The following FBXL20 variants were observed in gnomAD, a reference collection of about 807,000 sequenced individuals.
FBXL20 encodes F-box/LRR-repeat protein 20.
Under a neutral mutation model 64.0 loss-of-function variants are expected in FBXL20, and 11 were observed. The ratio of observed to expected loss-of-function variants is 0.17; its 90% CI spans 0.11 to 0.28. FBXL20 has a LOEUF of 0.28. Among genes scored for constraint, FBXL20 ranks in the 10% least tolerant of loss-of-function variants. The pLI is 1.00. For missense variants in FBXL20, 303 were observed against 526.2 expected, an observed-to-expected ratio of 0.58 and a Z score of 4.15; for synonymous variants, 184 against 189.0, an observed-to-expected ratio of 0.97 and a Z score of 0.22.
rs1255785281 is a variant in FBXL20, at chr17:39,257,696, C to T, written c.*3764G>A. 1 of 152,262 alleles carries T rather than the reference C, an allele frequency of 6.6e-6. No individual in the cohort carries two copies. Among genetic ancestry groups the T allele is most frequent in the East Asian group, 1.9e-4 (1 of 5,198 alleles). 9.4% of individuals were successfully genotyped at this position (152,262 alleles called of 1,614,324 possible). On this transcript the variant is annotated 3_prime_UTR_variant, in exon 15 of 15. Transcript: ENST00000264658. Reference sequence around the variant, plus strand: ...ATGAAAAATGGCCTGAGCCACCTAACAGTCACTGAACTTTAAGGCTGCCTT... The same window carrying T: ...ATGAAAAATGGCCTGAGCCACCTAATAGTCACTGAACTTTAAGGCTGCCTT...
chr17:39,264,161 G>A lies in FBXL20; in HGVS notation c.1203+14C>T. ...GCTAACACTAGAGTTGGAGAGTTAT[G>A]TAGCCATTTTTACCCTGAGTCTCTT... On this transcript the variant is annotated intron_variant, in intron 14 of 14. Coordinates refer to ENST00000264658, the MANE Select transcript of FBXL20 (RefSeq NM_032875.3). The A allele has an allele frequency of 1.9e-6, 3 of 1,613,060 alleles. No individual in the cohort carries two copies. The highest frequency in any genetic ancestry group is 2.5e-6 in the Non-Finnish European group (3 of 1,179,064).
chr17:39,282,480 G>GT (rs1456550643), intron 8 of FBXL20, among the ~76,000 whole-genome samples: 1 of 152,140 alleles, frequency 6.6e-6, no homozygotes, highest in African/African-American at 2.4e-5. Flanking sequence ...TGACCATGGT[G>GT]TATCTTTAAT....
chr17:39,377,820 T>C (rs895021526), intron 1 of FBXL20, among the ~76,000 whole-genome samples: 6 of 152,160 alleles, frequency 3.9e-5, no homozygotes, highest in African/African-American at 1.4e-4. Context: ...CCTGTCTTGA[T>C]AGATTGGCTC....
rs536033449 is a variant in FBXL20, at chr17:39,307,176, C to T, written c.105-3537G>A. 6.6e-5 allele frequency among the ~76,000 whole-genome samples: 10 copies of T among 152,248 alleles called. No individual in the cohort carries two copies. The South Asian group carries it at 2.1e-3, about 32-fold the overall frequency. ...TTTCATTCAAAAAACATTTTTACCA[C>T]CTGCTATCTACGGGCACTGTTTTAA... is the stretch of plus-strand genomic sequence containing the variant. On this transcript the variant is annotated intron_variant, in intron 2 of 14. Transcript: ENST00000264658.
intron 2 of FBXL20, among the ~76,000 whole-genome samples, chr17:39,341,383 T>C (rs918991363): frequency 1.3e-5 from 2 of 152,134 alleles, no homozygotes; most frequent in African/African-American, 2.4e-5. Flanking sequence ...CTCTCAATGA[T>C]AAAAATGTTG....
chr17:39,354,038 G>T (rs1460251538), intron 1 of FBXL20, among the ~76,000 whole-genome samples: 1 of 152,156 alleles, frequency 6.6e-6, no homozygotes, highest in East Asian at 1.9e-4. Flanking sequence ...TTTAAAAACA[G>T]TTAAGATGGT....
intron 1 of FBXL20, among the ~76,000 whole-genome samples, chr17:39,375,899 C>T (rs1311767884): frequency 6.6e-6 from 1 of 152,044 alleles, no homozygotes; most frequent in African/African-American, 2.4e-5. Context: ...GCGGGCAGAT[C>T]ACGAGGTCAG....
intron 11 of FBXL20, among the ~76,000 whole-genome samples, chr17:39,270,381 T>C (rs1327287525): frequency 6.6e-6 from 1 of 151,940 alleles, no homozygotes; most frequent in East Asian, 1.9e-4. Context: ...CTGTCTCTAC[T>C]AAAAATACAA....
rs549253126 is a variant in FBXL20, at chr17:39,309,432, T to C, written c.105-5793A>G. ...TTGAAGGATTACTTAAACTAGGACTTATACTTCTATACATGCTGAGATTTC... is the reference window on the plus strand; with the variant it reads ...TTGAAGGATTACTTAAACTAGGACTCATACTTCTATACATGCTGAGATTTC... On this transcript the variant is annotated intron_variant, in intron 2 of 14. Transcript: ENST00000264658. Among the ~76,000 whole-genome samples, 3 of 152,286 alleles carry C rather than the reference T, an allele frequency of 2.0e-5. No homozygotes were observed. The South Asian group carries it at 6.2e-4, about 32-fold the overall frequency.
At chr17:39,344,014 C>T (rs1250743032) in intron 1 of FBXL20, among the ~76,000 whole-genome samples, 1 of 152,108 alleles carries the variant, frequency 6.6e-6, no homozygotes, top group Admixed American at 6.6e-5. Flanking sequence ...CAGGTCCCTG[C>T]CACGGTGCCC....
At chr17:39,363,935 G>C (rs2047831376) in intron 1 of FBXL20, among the ~76,000 whole-genome samples, 1 of 132,970 alleles carries the variant, frequency 7.5e-6, no homozygotes, top group Admixed American at 8.5e-5. Flanking sequence ...GGTCGCCCAG[G>C]CTGGAATGCA....
At chr17:39,367,570 G>A (rs1303892136) in intron 1 of FBXL20, among the ~76,000 whole-genome samples, 2 of 151,958 alleles carry the variant, frequency 1.3e-5, no homozygotes, top group Non-Finnish European at 2.9e-5. Context: ...ACCCACCTCA[G>A]CCCCTCAAAG....
intron 2 of FBXL20, among the ~76,000 whole-genome samples, chr17:39,318,038 T>C (rs1343643623): frequency 6.6e-6 from 1 of 152,106 alleles, no homozygotes; most frequent in Non-Finnish European, 1.5e-5. Flanking sequence ...AATTATTTAG[T>C]AAATGGTGTT....
Position 39,258,166 on chromosome 17 carries a change from A to G in FBXL20, c.*3294T>C, listed in dbSNP as rs1567852229. Reference sequence around the variant, plus strand: ...TATTTTGGAGTGGCTATGAGGTTAGACAAACAGATCAATTAGCTTTTCCTG... The same window carrying G: ...TATTTTGGAGTGGCTATGAGGTTAGGCAAACAGATCAATTAGCTTTTCCTG... On this transcript the variant is annotated 3_prime_UTR_variant, in exon 15 of 15. Transcript: ENST00000264658. The G allele has an allele frequency of 6.6e-6, 1 of 152,160 alleles. No individual in the cohort carries two copies. The highest frequency in any genetic ancestry group is 1.5e-5 in the Non-Finnish European group (1 of 68,024). The allele number at this position is 152,160 out of a possible 1,614,324, so 9.4% of individuals were successfully genotyped here.
chr17:39,256,487 G>C lies in FBXL20; in HGVS notation c.*4973C>G, dbSNP rs982775182. ...ACATCCTACATTTCTTCTCAAACAG[G>C]ACTTGGCTAATTCACAGTGCCTGGG... On this transcript the variant is annotated 3_prime_UTR_variant, in exon 15 of 15. Transcript: ENST00000264658. 6.6e-6 allele frequency: 1 copy of C among 151,998 alleles called. No homozygotes were observed. The highest frequency in any genetic ancestry group is 1.5e-5 in the Non-Finnish European group (1 of 68,020). The allele number at this position is 151,998 out of a possible 1,614,324, so 9.4% of individuals were successfully genotyped here.
chr17:39,297,983 C>T (rs1438005293), intron 5 of FBXL20, among the ~76,000 whole-genome samples: 2 of 152,112 alleles, frequency 1.3e-5, no homozygotes, highest in African/African-American at 4.8e-5. Flanking sequence ...GTGATCCACC[C>T]ACATCAGCCT....
chr17:39,314,503 C>A (rs569415448), intron 2 of FBXL20, among the ~76,000 whole-genome samples: 1 of 152,076 alleles, frequency 6.6e-6, no homozygotes, highest in South Asian at 2.1e-4. Context: ...CACAAGGAAC[C>A]ACATCCAGCC....
chr17:39,284,970 ACTCT>A (rs200792329), intron 7 of FBXL20, among the ~76,000 whole-genome samples: 2,185 of 151,416 alleles, frequency 0.014, 54 homozygotes, highest in African/African-American at 0.05. Flanking sequence ...ACAGAGTCTC[ACTCT>A]GTCAGCACAC....
chr17:39,327,836 G>C (rs898237549), intron 2 of FBXL20, among the ~76,000 whole-genome samples: 6 of 152,078 alleles, frequency 3.9e-5, no homozygotes, highest in African/African-American at 1.4e-4. Context: ...GAGTAGCTGG[G>C]ACTATAGGCG....
Sources: gnomAD v4.1 joint callset for allele counts (sites outside exome capture counted in the v4.1 genomes callset) on GRCh38, gnomAD v4.1.1 for gene constraint, MANE v1.5 for transcripts, NCBI Gene and HGNC (gene_info 2026-07-23, HGNC 2026-07-21) for gene names.